The following TADA2A variants were observed in gnomAD, a reference collection of about 807,000 sequenced individuals.
TADA2A encodes transcriptional adaptor 2A.
Under a neutral mutation model 67.4 loss-of-function variants are expected in TADA2A, and 38 were observed. The ratio of observed to expected loss-of-function variants is 0.56; its 90% CI spans 0.44 to 0.74. TADA2A has a LOEUF of 0.74. Ranked by LOEUF, TADA2A falls within the 30% of genes least tolerant of loss-of-function variation. The pLI, the probability that TADA2A is intolerant of heterozygous loss-of-function variation, is 0.00. For missense variants in TADA2A, 454 were observed against 547.0 expected (o/e 0.83, Z 1.70); for synonymous variants, 192 against 181.6 (o/e 1.06, Z -0.46).
chr17:37,424,837 G>C (rs978489811), intron 3 of TADA2A, among the ~76,000 whole-genome samples: 1 of 151,552 alleles, frequency 6.6e-6, no homozygotes, highest in African/African-American at 2.4e-5. Flanking sequence ...ATTACAGGGC[G>C]TGAGCCACCG....
At chr17:37,431,853 A>G (rs1006907936) in intron 4 of TADA2A, among the ~76,000 whole-genome samples, 1 of 152,194 alleles carries the variant, frequency 6.6e-6, no homozygotes, top group African/African-American at 2.4e-5. Flanking sequence ...AGCGTGAGCT[A>G]CTGCACCCAG....
chr17:37,467,475 A>T lies in TADA2A; in HGVS notation c.845A>T (p.Glu282Val). The change falls in exon 12 of 16, where the codon GAA becomes GTA. Residue 282 changes from glutamate (E) to valine (V), a missense_variant. Physicochemically the swap from Glu to Val is moderately radical, Grantham distance 121. Coordinates refer to ENST00000615182, the MANE Select transcript of TADA2A (RefSeq NM_001166105.3). Reference protein sequence around the residue: ...SHALEFELRREIKRLQEYRTA... With the variant: ...SHALEFELRRVIKRLQEYRTA... ...ACAGTGGAATTTGAACTCCGAAGGG[A>T]AATCAAGAGGCTCCAAGAATACAGG... 6.2e-7 allele frequency: 1 copy of T among 1,613,954 alleles called. No individual in the cohort carries two copies.
intron 7 of TADA2A, among the ~76,000 whole-genome samples, chr17:37,444,094 A>C (rs942561702): frequency 2.0e-5 from 3 of 151,908 alleles, no homozygotes; most frequent in Admixed American, 6.6e-5. Flanking sequence ...AACAAAAAAA[A>C]CCCGAAACCA....
intron 6 of TADA2A, 34 bp from the exon 7 acceptor site, chr17:37,442,530 T>G: frequency 6.6e-7 from 1 of 1,526,456 alleles, no homozygotes; most frequent in Non-Finnish European, 9.1e-7. Flanking sequence ...CAATATTGTA[T>G]TAGTTAACTC....
chr17:37,448,579 C>A (rs557744979), intron 8 of TADA2A, among the ~76,000 whole-genome samples: 8 of 152,240 alleles, frequency 5.3e-5, no homozygotes, highest in African/African-American at 1.9e-4. Context: ...CTTCTTGCTG[C>A]CATCTCTTTC....
At chr17:37,459,672 A>G (rs913271349) in intron 9 of TADA2A, among the ~76,000 whole-genome samples, 9 of 150,958 alleles carry the variant, frequency 6.0e-5, no homozygotes, top group African/African-American at 2.2e-4. Flanking sequence ...GGCTCACTGC[A>G]GTCTCCAACT....
intron 5 of TADA2A, among the ~76,000 whole-genome samples, chr17:37,438,276 A>G (rs1469708192): frequency 2.0e-5 from 3 of 152,188 alleles, no homozygotes; most frequent in Admixed American, 2.0e-4. Context: ...TAGCTTTCAA[A>G]CACCTACCTG....
intron 9 of TADA2A, 36 bp from the exon 10 acceptor site, chr17:37,462,042 T>C: frequency 6.8e-7 from 1 of 1,480,668 alleles, no homozygotes; most frequent in Non-Finnish European, 9.3e-7. Context: ...GTGAAAATAA[T>C]TCTAATGCAC....
At chr17:37,467,707 CT>C (rs1201233045) in intron 12 of TADA2A, among the ~76,000 whole-genome samples, 182 bp downstream of exon 12, 2 of 152,046 alleles carry the variant, frequency 1.3e-5, no homozygotes, top group Non-Finnish European at 2.9e-5. Flanking sequence ...TATAGATTAT[CT>C]TTGGTACTAC....
At chr17:37,426,792 C>T (rs2052423212) in intron 3 of TADA2A, 158 bp from the exon 4 acceptor site, 1 of 585,088 alleles carries the variant, frequency 1.7e-6, no homozygotes, top group Non-Finnish European at 2.9e-6. Flanking sequence ...CTGCAGTGAG[C>T]TATGATGGTG....
chr17:37,411,455 C>G lies in TADA2A; in HGVS notation c.25+65C>G. 4 of 1,455,708 alleles carry G rather than the reference C, an allele frequency of 2.7e-6. No homozygotes were observed. The South Asian group carries it at 3.4e-5, about 12-fold the overall frequency. 90.2% of individuals were successfully genotyped at this position (1,455,708 alleles called of 1,614,324 possible). A position where few individuals can be genotyped will look rare whatever the true frequency, so the allele number is the denominator to read the frequency against. On this transcript the variant is annotated intron_variant, in intron 2 of 15. Transcript: ENST00000615182. ...ATTTTTTTTTTGAGATGGACTCTCC[C>G]TCTGTTGCCCAGGCTGGGGTACAGT...
rs962317665 is a variant in TADA2A, at chr17:37,477,101, A to G, written c.*119A>G. On this transcript the variant is annotated 3_prime_UTR_variant, in exon 16 of 16. Coordinates refer to ENST00000615182, the MANE Select transcript of TADA2A (RefSeq NM_001166105.3). ...TGAATTCTCATGGTGAAAACAGGGG[A>G]AAGGACAAAGGAAACCTTAAGTTGT... The G allele has an allele frequency of 9.6e-7, 1 of 1,038,222 alleles. No homozygotes were observed. The highest frequency in any genetic ancestry group is 1.4e-6 in the Non-Finnish European group (1 of 722,998). The allele number at this position is 1,038,222 out of a possible 1,614,324, so 64.3% of individuals were successfully genotyped here. A position where few individuals can be genotyped will look rare whatever the true frequency, so the allele number is the denominator to read the frequency against.
intron 7 of TADA2A, among the ~76,000 whole-genome samples, chr17:37,443,026 G>A (rs1296686936): frequency 6.6e-6 from 1 of 152,064 alleles, no homozygotes; most frequent in Non-Finnish European, 1.5e-5. Context: ...GCTGGGTGTG[G>A]TGGTGCATGC....
intron 6 of TADA2A, among the ~76,000 whole-genome samples, chr17:37,441,682 T>C (rs1195350730): frequency 6.6e-6 from 1 of 151,538 alleles, no homozygotes; most frequent in Non-Finnish European, 1.5e-5. Context: ...TTTTTTTTTT[T>C]TGGAGACAGA....
Position 37,446,759 on chromosome 17 carries a change from A to G in TADA2A, c.604+1991A>G, listed in dbSNP as rs182590757. Reference sequence around the variant, plus strand: ...GCTTGACTTGGTGAATCACTTCTCTAGAGCCTAATCCAAGGTCTTCATTCA... The same window carrying G: ...GCTTGACTTGGTGAATCACTTCTCTGGAGCCTAATCCAAGGTCTTCATTCA... On this transcript the variant is annotated intron_variant, in intron 8 of 15. Coordinates refer to ENST00000615182, the MANE Select transcript of TADA2A (RefSeq NM_001166105.3). Among the ~76,000 whole-genome samples the G allele has an allele frequency of 5.3e-5, 8 of 152,276 alleles. No homozygotes were observed. The East Asian group carries it at 1.2e-3, about 22-fold the overall frequency.
At chr17:37,411,514 C>G in intron 2 of TADA2A, 124 bp downstream of exon 2, 1 of 933,834 alleles carries the variant, frequency 1.1e-6, no homozygotes. Context: ...CTTCTGCCTC[C>G]CGGCTTTAAA....
chr17:37,444,624 G>A (rs2053021095), intron 7 of TADA2A, 72 bp from the exon 8 acceptor site: 1 of 1,277,588 alleles, frequency 7.8e-7, no homozygotes, highest in Non-Finnish European at 1.1e-6. Flanking sequence ...TACTTCTAAA[G>A]CATGGCTGCT....
intron 3 of TADA2A, among the ~76,000 whole-genome samples, chr17:37,425,896 A>G (rs1214666169): frequency 6.6e-6 from 1 of 150,894 alleles, no homozygotes; most frequent in Non-Finnish European, 1.5e-5. Context: ...AGCTCAAGCA[A>G]TCCTATCACC....
chr17:37,427,042 CT>C (rs749876139), intron 4 of TADA2A, 33 bp downstream of exon 4: 50 of 1,542,266 alleles, frequency 3.2e-5, no homozygotes, highest in African/African-American at 5.6e-5. Flanking sequence ...TTTCTGTTCA[CT>C]TTTTTTAAGA....
Sources: gnomAD v4.1 joint callset for allele counts (sites outside exome capture counted in the v4.1 genomes callset) on GRCh38, gnomAD v4.1.1 for gene constraint, MANE v1.5 for transcripts, NCBI Gene and HGNC (gene_info 2026-07-23, HGNC 2026-07-21) for gene names.